Variants in PDE2A observed in about 807,000 individuals in gnomAD.
PDE2A encodes the protein cGMP-dependent 3',5'-cyclic phosphodiesterase.
In PDE2A, 53 loss-of-function variants were observed where a neutral mutation model predicts 133.6. The ratio of observed to expected loss-of-function variants is 0.40; its 90% CI spans 0.32 to 0.50. The LOEUF is 0.50. Among genes scored for constraint, PDE2A ranks in the 20% least tolerant of loss-of-function variants. The pLI, the probability that PDE2A is intolerant of heterozygous loss-of-function variation, is 0.73. For missense variants in PDE2A, 796 were observed against 1,232.4 expected (o/e 0.65, Z 5.30); for synonymous variants, 491 against 490.2 (o/e 1.00, Z -0.02).
chr11:72,605,054 A>G, intron 4 of PDE2A, 84 bp downstream of exon 4: 1 of 833,756 alleles, frequency 1.2e-6, no homozygotes, highest in South Asian at 1.8e-5. Flanking sequence ...GGGGAGGGTC[A>G]GACCAGATGA....
Position 72,597,561 on chromosome 11 carries a change from G to A in PDE2A, c.382C>T (p.Pro128Ser). 1 of 1,612,104 alleles carries A rather than the reference G, an allele frequency of 6.2e-7. No homozygotes were observed. ...ACCAGCCTGGCCAAGGGCTTCCCTG[G>A]CAGGTCTGAGAAGCCCAGCCCATTG... ...GCNGLGFSDL[P>S]GKPLARLVAP... Residue 128 changes from proline (P) to serine (S), a missense_variant, in exon 5 of 31, where the codon CCA becomes TCA. By Grantham distance (74) the Pro-to-Ser change is moderately conservative (BLOSUM62 -1). Transcript: ENST00000334456. The surrounding 1 kb of genome is among the most constrained non-coding windows in gnomAD (Gnocchi z 4.6).
At chr11:72,633,032 C>T (rs778501162) in intron 2 of PDE2A, among the ~76,000 whole-genome samples, 1 of 152,216 alleles carries the variant, frequency 6.6e-6, no homozygotes, top group Non-Finnish European at 1.5e-5. Context: ...CAGGCCAGCT[C>T]ACCCCTCCTG....
chr11:72,670,044 C>G (rs1160063668), intron 1 of PDE2A, among the ~76,000 whole-genome samples: 1 of 152,132 alleles, frequency 6.6e-6, no homozygotes, highest in Non-Finnish European at 1.5e-5. Context: ...CCAGGGCTTC[C>G]CCCCAGCCTG....
chr11:72,673,989 C>T (rs1273122069), intron 1 of PDE2A, 148 bp downstream of exon 1: 8 of 752,146 alleles, frequency 1.1e-5, no homozygotes, highest in Middle Eastern at 2.4e-4. Flanking sequence ...AGTCTGGCAA[C>T]GCGGGGAGGA....
intron 25 of PDE2A, chr11:72,579,982 C>T (rs1406371894): frequency 2.7e-5 from 6 of 225,848 alleles, no homozygotes; most frequent in Non-Finnish European, 5.2e-5. Flanking sequence ...AGGGCAAGGC[C>T]CCCATTTCCG....
Position 72,578,838 on chromosome 11 carries a change from G to T in PDE2A, c.2469+59C>A, listed in dbSNP as rs568990237. On this transcript the variant is annotated intron_variant, in intron 28 of 30. Transcript: ENST00000334456. The surrounding 1 kb of genome is among the most constrained non-coding windows in gnomAD (Gnocchi z 4.2). ...AGAGAGAGGGTATTCAGGCACAGGGGGCACCCAAAGCTGGGCAGGGTGGGC... is the reference window on the plus strand; with the variant it reads ...AGAGAGAGGGTATTCAGGCACAGGGTGCACCCAAAGCTGGGCAGGGTGGGC... The T allele has an allele frequency of 1.8e-4, 181 of 1,028,128 alleles. No homozygotes were observed. The East Asian group carries it at 4.3e-3, about 24-fold the overall frequency. 63.7% of individuals were successfully genotyped at this position (1,028,128 alleles called of 1,614,324 possible).
At chr11:72,615,883 C>T (rs761297147) in intron 2 of PDE2A, among the ~76,000 whole-genome samples, 5 of 152,198 alleles carry the variant, frequency 3.3e-5, no homozygotes, top group South Asian at 2.1e-4. Flanking sequence ...GATGAGGGGG[C>T]TCCTAGTCCC....
chr11:72,631,039 C>T, intron 2 of PDE2A: 1 of 1,466,792 alleles, frequency 6.8e-7, no homozygotes, highest in Non-Finnish European at 9.3e-7. Flanking sequence ...CGCCCCACCC[C>T]CTCAAGCCCA....
At chr11:72,595,559 C>G (rs776885071) in intron 6 of PDE2A, among the ~76,000 whole-genome samples, 68 of 152,016 alleles carry the variant, frequency 4.5e-4, no homozygotes, top group Non-Finnish European at 9.0e-4. Flanking sequence ...CTGACTCCCA[C>G]TGCCCTCTCC....
intron 4 of PDE2A, among the ~76,000 whole-genome samples, chr11:72,604,791 G>A (rs977047320): frequency 1.3e-5 from 2 of 152,164 alleles, no homozygotes; most frequent in African/African-American, 2.4e-5. Flanking sequence ...GTCCAGCCTC[G>A]CAGTAGTTCT....
chr11:72,651,473 G>A (rs932519611), intron 1 of PDE2A, among the ~76,000 whole-genome samples: 2 of 152,156 alleles, frequency 1.3e-5, no homozygotes, highest in Non-Finnish European at 2.9e-5. Flanking sequence ...GAAGGGGCAC[G>A]CAGGGAGAGG....
chr11:72,612,185 G>T (rs1354647384), intron 2 of PDE2A, among the ~76,000 whole-genome samples: 1 of 151,700 alleles, frequency 6.6e-6, no homozygotes, highest in Non-Finnish European at 1.5e-5. Flanking sequence ...ATATGCACAG[G>T]CTCTCACACA....
At chr11:72,615,551 G>T (rs761607120) in intron 2 of PDE2A, among the ~76,000 whole-genome samples, 1 of 152,124 alleles carries the variant, frequency 6.6e-6, no homozygotes, top group Non-Finnish European at 1.5e-5. Context: ...GCCCTGCAAG[G>T]CAGACATCAG....
At chr11:72,584,485 C>T in intron 18 of PDE2A, 66 bp downstream of exon 18, 1 of 1,511,568 alleles carries the variant, frequency 6.6e-7, no homozygotes, top group Non-Finnish European at 9.0e-7. Context: ...TGTTGCCACC[C>T]CCGCTCGCTC....
rs1278894197 is a variant in PDE2A at position 72,581,775 on chromosome 11, A to T, written c.1922+102T>A. On this transcript the variant is annotated intron_variant, in intron 22 of 30. Coordinates refer to ENST00000334456, the MANE Select transcript of PDE2A (RefSeq NM_002599.5). ...CACCCCCATAAGACTGGGTCTCCCC[A>T]GTCATCCTTAGAGAGATCCTCTCCA... The T allele has an allele frequency of 9.8e-6, 11 of 1,124,548 alleles. No individual in the cohort carries two copies. The African/African-American group carries it at 1.1e-4, about 11-fold the overall frequency. 69.7% of individuals were successfully genotyped at this position (1,124,548 alleles called of 1,614,324 possible). A position where few individuals can be genotyped will look rare whatever the true frequency, so the allele number is the denominator to read the frequency against.
Position 72,585,440 on chromosome 11 carries a change from G to A in PDE2A, c.1223-6C>T. On this transcript the variant is annotated splice_region_variant and splice_polypyrimidine_tract_variant and intron_variant, in intron 15 of 30. Transcript: ENST00000334456. ...GAGCAGGACAGAGACGTCATCTGGG[G>A]AAGGGAGAAGACCAGGCAGGGTGAG... is the stretch of plus-strand genomic sequence containing the variant. 6.2e-7 allele frequency: 1 copy of A among 1,614,058 alleles called. No homozygotes were observed. Among genetic ancestry groups the A allele is most frequent in the East Asian group, 2.2e-5 (1 of 44,880 alleles).
At chr11:72,580,204 G>A (rs1445582974) in intron 25 of PDE2A, among the ~76,000 whole-genome samples, 1 of 152,180 alleles carries the variant, frequency 6.6e-6, no homozygotes. Context: ...GCCAAGCCCT[G>A]TGCCAAGTGC....
rs962057234 is a variant in PDE2A at position 72,584,804 on chromosome 11, G to A, written c.1359+68C>T. ...AGAGGGGACTGTTAAACCTCGGGCC[G>A]CTCCCCAGCGCCGCCGGCGGACTCC... On this transcript the variant is annotated intron_variant, in intron 17 of 30. Transcript: ENST00000334456. The A allele has an allele frequency of 8.7e-6, 14 of 1,607,388 alleles. No homozygotes were observed. The African/African-American group carries it at 1.7e-4, about 20-fold the overall frequency.
intron 11 of PDE2A, 24 bp downstream of exon 11, chr11:72,589,727 C>A (rs771770826): frequency 6.2e-7 from 1 of 1,612,790 alleles, no homozygotes; most frequent in Non-Finnish European, 8.5e-7. Flanking sequence ...CAGACTCCAA[C>A]GAGAAGACAG....
Sources: allele counts gnomAD v4.1 joint callset (sites outside exome capture counted in the v4.1 genomes callset), GRCh38; gene constraint gnomAD v4.1.1; non-coding constraint Gnocchi (gnomAD v3.1); transcripts MANE v1.5; gene names NCBI Gene and HGNC (gene_info 2026-07-23, HGNC 2026-07-21).